The following ERBB4 variants were observed in gnomAD, a reference collection of about 807,000 sequenced individuals.
The protein encoded by ERBB4 is erb-b2 receptor tyrosine kinase 4.
A neutral mutation model predicts 158.0 loss-of-function variants in ERBB4; 42 were observed. The observed-to-expected ratio is 0.27, with a 90% confidence interval of 0.21 to 0.34. ERBB4 has a LOEUF of 0.34. Ranked by LOEUF, ERBB4 falls within the 10% of genes least tolerant of loss-of-function variation. The pLI is 1.00. For synonymous variants in ERBB4, 583 were observed against 558.7 expected (o/e 1.04, Z -0.61); for missense variants, 1,333 against 1,624.1 (o/e 0.82, Z 3.08).
At chr2:212,421,903 C>G (rs2091800530) in intron 1 of ERBB4, among the ~76,000 whole-genome samples, 1 of 152,044 alleles carries the variant, frequency 6.6e-6, no homozygotes. Context: ...TAAATAATTT[C>G]AAATGAAAAG....
At chr2:212,139,316 T>C (rs986858142) in intron 1 of ERBB4, among the ~76,000 whole-genome samples, 1 of 151,942 alleles carries the variant, frequency 6.6e-6, no homozygotes, top group African/African-American at 2.4e-5. Context: ...CATGTGCACA[T>C]ACACATACAT....
chr2:212,489,092 A>G (rs1690131829), intron 1 of ERBB4, among the ~76,000 whole-genome samples: 1 of 151,626 alleles, frequency 6.6e-6, no homozygotes, highest in African/African-American at 2.4e-5. Flanking sequence ...CTCTAAAGCT[A>G]AAGAAAAAAG....
At chr2:211,677,563 C>CA (rs1479843713) in intron 13 of ERBB4, among the ~76,000 whole-genome samples, 16 of 140,344 alleles carry the variant, frequency 1.1e-4, no homozygotes, top group Admixed American at 2.2e-4. Context: ...AACTTAGACT[C>CA]AAAAAAAATA....
chr2:211,597,842 A>T (rs2068683750), intron 19 of ERBB4, among the ~76,000 whole-genome samples: 1 of 151,886 alleles, frequency 6.6e-6, no homozygotes, highest in Non-Finnish European at 1.5e-5. Flanking sequence ...TTTTTAATTC[A>T]AAAAAAATCA....
chr2:212,278,961 G>T (rs1405964873), intron 1 of ERBB4, among the ~76,000 whole-genome samples: 1 of 151,494 alleles, frequency 6.6e-6, no homozygotes, highest in Admixed American at 6.6e-5. Context: ...AAAAGTTTTG[G>T]ATGGTTTCCT....
rs2079877169 is a variant in ERBB4, at chr2:212,124,977, A to T, written c.83-74T>A. 2.6e-6 allele frequency: 4 copies of T among 1,537,018 alleles called. No homozygotes were observed. The East Asian group carries it at 9.0e-5, about 35-fold the overall frequency. Reference sequence around the variant, plus strand: ...ATGCGCAATGATAATATCTTTCTCAAAACTCTCTATTCCACAAGCCTATCC... The same window carrying T: ...ATGCGCAATGATAATATCTTTCTCATAACTCTCTATTCCACAAGCCTATCC... On this transcript the variant is annotated intron_variant, in intron 1 of 27. Transcript: ENST00000342788.
At chr2:212,191,035 T>C (rs892059722) in intron 1 of ERBB4, among the ~76,000 whole-genome samples, 9 of 141,468 alleles carry the variant, frequency 6.4e-5, no homozygotes, top group African/African-American at 2.3e-4. Flanking sequence ...CCTAAGGGCA[T>C]TTTTTTTTTT....
intron 2 of ERBB4, among the ~76,000 whole-genome samples, chr2:212,033,121 A>G (rs1185870467): frequency 6.6e-6 from 1 of 151,974 alleles, no homozygotes; most frequent in Non-Finnish European, 1.5e-5. Flanking sequence ...TGATACTTAC[A>G]AAATTATATA....
chr2:212,140,183 A>C (rs55960356), intron 1 of ERBB4, among the ~76,000 whole-genome samples: 4,395 of 151,426 alleles, frequency 0.029, 150 homozygotes, highest in African/African-American at 0.079. Flanking sequence ...AAAAACTAAA[A>C]TAAAATAAAA....
At chr2:212,467,625 G>A (rs969421839) in intron 1 of ERBB4, among the ~76,000 whole-genome samples, 1 of 152,230 alleles carries the variant, frequency 6.6e-6, no homozygotes, top group African/African-American at 2.4e-5. Flanking sequence ...ATGCCTGGAT[G>A]CCCAGGCAGA....
At chr2:211,592,062 G>A (rs1282532821) in intron 19 of ERBB4, among the ~76,000 whole-genome samples, 1 of 152,134 alleles carries the variant, frequency 6.6e-6, no homozygotes, top group African/African-American at 2.4e-5. Context: ...GGGAGGGAGG[G>A]TCTAGTTAAA....
intron 1 of ERBB4, among the ~76,000 whole-genome samples, chr2:212,188,243 T>C (rs895631331): frequency 0.056 from 727 of 13,070 alleles, 32 homozygotes; most frequent in Middle Eastern, 0.33. Context: ...TCCCCCCCCC[T>C]CTCACCCCCT....
chr2:212,352,001 A>T (rs1240566419), intron 1 of ERBB4, among the ~76,000 whole-genome samples: 1 of 152,148 alleles, frequency 6.6e-6, no homozygotes, highest in Admixed American at 6.6e-5. Context: ...AAAGAAGGAG[A>T]TCTTATCCTT....
chr2:212,091,959 A>T (rs2078792503), intron 2 of ERBB4, among the ~76,000 whole-genome samples: 1 of 152,102 alleles, frequency 6.6e-6, no homozygotes, highest in Non-Finnish European at 1.5e-5. Flanking sequence ...GCAAATACTC[A>T]TCACTCTCAG....
At chr2:212,260,940 G>T (rs1017330403) in intron 1 of ERBB4, among the ~76,000 whole-genome samples, 1 of 152,024 alleles carries the variant, frequency 6.6e-6, no homozygotes, top group Admixed American at 6.6e-5. Flanking sequence ...TATGCATAAC[G>T]GCCTAGATAT....
intron 19 of ERBB4, among the ~76,000 whole-genome samples, chr2:211,577,918 T>A (rs1368154465): frequency 6.6e-6 from 1 of 152,158 alleles, no homozygotes; most frequent in Non-Finnish European, 1.5e-5. Context: ...GGATGCCCTC[T>A]CTCATCATTC....
chr2:211,930,288 T>C (rs2080138302), intron 3 of ERBB4, among the ~76,000 whole-genome samples: 1 of 152,158 alleles, frequency 6.6e-6, no homozygotes, highest in African/African-American at 2.4e-5. Context: ...TGGTCTTGTA[T>C]CCAAGCATAT....
chr2:212,405,286 G>C (rs558545956), intron 1 of ERBB4, among the ~76,000 whole-genome samples: 1 of 152,002 alleles, frequency 6.6e-6, no homozygotes, highest in Non-Finnish European at 1.5e-5. Flanking sequence ...ACCACAATGA[G>C]ATACCATCTC....
intron 1 of ERBB4, among the ~76,000 whole-genome samples, chr2:212,308,140 T>G (rs1489360772): frequency 6.6e-6 from 1 of 151,178 alleles, no homozygotes. Flanking sequence ...TGGTTGTTTA[T>G]TTTGACATAA....
Sources: allele counts gnomAD v4.1 joint callset (sites outside exome capture counted in the v4.1 genomes callset), GRCh38; gene constraint gnomAD v4.1.1; transcripts MANE v1.5; gene names NCBI Gene and HGNC (gene_info 2026-07-23, HGNC 2026-07-21).